The following STMN3 variants were observed in gnomAD, a reference collection of about 807,000 sequenced individuals.
STMN3 encodes the protein stathmin 3, also known as stathmin-3.
STMN3 carries 24 observed loss-of-function variants against 23.2 expected under a neutral mutation model. That is an observed-to-expected ratio of 1.03 (90% CI 0.75 to 1.45). The LOEUF is 1.45. STMN3 is among the 40% of genes most tolerant of loss of function. STMN3 has a pLI of 0.00. For missense variants in STMN3, 235 were observed against 237.6 expected, an observed-to-expected ratio of 0.99 and a Z score of 0.07; for synonymous variants, 117 against 103.4, an observed-to-expected ratio of 1.13 and a Z score of -0.80.
chr20:63,653,195 G>T, intron 1 of STMN3, 132 bp downstream of exon 1: 4 of 1,220,248 alleles, frequency 3.3e-6, no homozygotes, highest in Non-Finnish European at 4.5e-6. Context: ...GGCGGGTCGG[G>T]CCCAGGCTTG....
rs1491522338 is a variant in STMN3 at position 63,647,961 on chromosome 20, T to TGTATAC, written c.20-3653_20-3652insGTATAC. 8.4e-3 allele frequency among the ~76,000 whole-genome samples: 508 copies of TGTATAC among 60,336 alleles called. 29 individuals are homozygous for TGTATAC. The highest frequency in any genetic ancestry group is 0.017 in the Middle Eastern group (2 of 118). 39.6% of individuals were successfully genotyped at this position (60,336 alleles called of 152,430 possible). ...ATGTGTGTGTGTGTATATATATATG[T>TGTATAC]ATATATATATATATATATACATATA... On this transcript the variant is annotated intron_variant, in intron 1 of 4. Coordinates refer to ENST00000370053, the MANE Select transcript of STMN3 (RefSeq NM_015894.4).
Position 63,653,346 on chromosome 20 carries a change from G to A in STMN3, c.-1C>T, listed in dbSNP as rs1479832006. The A allele has an allele frequency of 1.3e-6, 2 of 1,548,038 alleles. No individual in the cohort carries two copies. The highest frequency in any genetic ancestry group is 3.9e-5 in the Admixed American group (2 of 50,904). ...GCCTACCGGAAATGGTGCTGGCCAT[G>A]GTGCTGGCGGCGGTTGGGCCTGCGG... On this transcript the variant is annotated 5_prime_UTR_variant, in exon 1 of 5. Transcript: ENST00000370053.
In STMN3 at chr20:63,644,217, C is replaced by A; in HGVS notation, c.112G>T (p.Gly38Trp). The A allele has an allele frequency of 6.2e-7, 1 of 1,612,306 alleles. No homozygotes were observed. Residue 38 changes from glycine to tryptophan, a missense_variant, in exon 2 of 5, where the codon GGG becomes TGG. Transcript: ENST00000370053. Reference sequence around the variant, plus strand: ...CAGGCGGCAGCCAGGCACTCACCCCCGTACTGGTAGACGGTATTGGGGTGC... The same window carrying A: ...CAGGCGGCAGCCAGGCACTCACCCCAGTACTGGTAGACGGTATTGGGGTGC... ...QPHPNTVYQYGDMEVKQLDKR... is the reference protein window; with the variant it reads ...QPHPNTVYQYWDMEVKQLDKR...
chr20:63,644,399 T>C, intron 1 of STMN3, 90 bp from the exon 2 acceptor site: 1 of 982,232 alleles, frequency 1.0e-6, no homozygotes, highest in Non-Finnish European at 1.6e-6. Context: ...CTCTATCATG[T>C]CTCTGTGAGA....
Position 63,642,303 on chromosome 20 carries a change from T to C in STMN3, c.292-4A>G. On this transcript the variant is annotated splice_polypyrimidine_tract_variant and splice_region_variant and intron_variant, in intron 3 of 4. Transcript: ENST00000370053. The stretch of plus-strand genomic sequence containing the variant: ...TCAGCACCTGCGCCTCCTGCGTCTG[T>C]GCGGGGCCGGCGGGCGCGCGTGAGC... 1 of 1,495,890 alleles carries C rather than the reference T, an allele frequency of 6.7e-7. No individual in the cohort carries two copies. The highest frequency in any genetic ancestry group is 8.9e-7 in the Non-Finnish European group (1 of 1,121,718). 92.7% of individuals were successfully genotyped at this position (1,495,890 alleles called of 1,614,324 possible).
rs1351785936 is a variant in STMN3 at position 63,640,404 on chromosome 20, A to G, written c.*934T>C. 6.6e-6 allele frequency: 1 copy of G among 152,088 alleles called. No individual in the cohort carries two copies. The highest frequency in any genetic ancestry group is 1.5e-5 in the Non-Finnish European group (1 of 67,920). The allele number at this position is 152,088 out of a possible 1,614,324, so 9.4% of individuals were successfully genotyped here. On this transcript the variant is annotated 3_prime_UTR_variant, in exon 5 of 5. Coordinates refer to ENST00000370053, the MANE Select transcript of STMN3 (RefSeq NM_015894.4). ...GAACCTTACCCGCTGCCCTTCCAAC[A>G]CCTGGATCTGTGGGCAGCGGTCCCA...
intron 1 of STMN3, 56 bp downstream of exon 1, chr20:63,653,271 A>G (rs1213513090): frequency 6.5e-7 from 1 of 1,531,844 alleles, no homozygotes; most frequent in African/African-American, 1.4e-5. Context: ...GCGAGGCCAG[A>G]CGAGGCCTCT....
intron 1 of STMN3, 116 bp downstream of exon 1, chr20:63,653,211 C>T: frequency 2.2e-6 from 3 of 1,350,302 alleles, no homozygotes; most frequent in Non-Finnish European, 3.0e-6. Context: ...GCTTGCAACG[C>T]GCAGGGTAGG....
In STMN3 at chr20:63,641,062, C is replaced by T; in HGVS notation, c.*276G>A. The T allele has an allele frequency of 3.7e-6, 2 of 540,674 alleles. No individual in the cohort carries two copies. The highest frequency in any genetic ancestry group is 6.7e-6 in the Non-Finnish European group (2 of 298,022). The allele number at this position is 540,674 out of a possible 1,614,324, so 33.5% of individuals were successfully genotyped here. A position where few individuals can be genotyped will look rare whatever the true frequency, so the allele number is the denominator to read the frequency against. On this transcript the variant is annotated 3_prime_UTR_variant, in exon 5 of 5. Coordinates refer to ENST00000370053, the MANE Select transcript of STMN3 (RefSeq NM_015894.4). ...CCTGGGTTTACCACGGTCACCGCCA[C>T]CTCTCTCACAGGGCCCCCGGGGGAC...
intron 1 of STMN3, among the ~76,000 whole-genome samples, chr20:63,647,952 A>G (rs1340934671): frequency 0.044 from 2,080 of 47,192 alleles, 173 homozygotes; most frequent in African/African-American, 0.14. Flanking sequence ...GTGTGTGTAT[A>G]TATATATGTA....
At position 63,643,846 on chromosome 20, in the gene STMN3, C is replaced by T; in HGVS notation, c.201G>A (p.Glu67=). The T allele has an allele frequency of 6.3e-7, 1 of 1,578,588 alleles. No homozygotes were observed. The highest frequency in any genetic ancestry group is 8.5e-7 in the Non-Finnish European group (1 of 1,170,694). ...ILKSPSDLSP[E]SPMLSSPPKK... is the part of the protein sequence containing the mutation. ...TGGGTGGGGAGGAGAGCATAGGGCT[C>T]TCTGGGGACAGGTCAGAAGGGGACT... Residue 67 remains glutamate (E), a synonymous_variant, in exon 3 of 5, where the codon GAG becomes GAA. Transcript: ENST00000370053.
chr20:63,644,247 G>A lies in STMN3; in HGVS notation c.82C>T (p.Gln28Ter). Residue 28 changes from glutamine to a stop codon, truncating the protein, a stop_gained, in exon 2 of 5, where the codon CAG becomes TAG. Transcript: ENST00000370053. LOFTEE classifies it high-confidence loss of function. Reference protein sequence around the residue: ...LSLICSCFYTQPHPNTVYQYG... With the variant: ...LSLICSCFYT ...TGGTAGACGGTATTGGGGTGCGGCT[G>A]TGTGTAGAAGCAGGAGCAGATGAGC... 2 of 1,613,668 alleles carry A rather than the reference G, an allele frequency of 1.2e-6. No homozygotes were observed. Among genetic ancestry groups the A allele is most frequent in the Non-Finnish European group, 1.7e-6 (2 of 1,179,796 alleles).
chr20:63,650,069 C>G (rs1194966613), intron 1 of STMN3, among the ~76,000 whole-genome samples: 7 of 151,048 alleles, frequency 4.6e-5, no homozygotes, highest in African/African-American at 1.7e-4. Context: ...CTCCGGTGAT[C>G]TGCCCACCTC....
At chr20:63,641,805 C>T (rs1357787522) in intron 4 of STMN3, among the ~76,000 whole-genome samples, 1 of 149,850 alleles carries the variant, frequency 6.7e-6, no homozygotes, top group South Asian at 2.1e-4. Flanking sequence ...GCCTCGGAGT[C>T]CCCGGCCCCG....
In STMN3 at chr20:63,652,771, G is replaced by A. The variant is rs2089870791; in HGVS notation, c.19+556C>T. The stretch of plus-strand genomic sequence containing the variant: ...TCCCCGAGGCCGCAGCGGTGTGGGG[G>A]GAGGGCGCGGTCCCCCTCACTCCGG... On this transcript the variant is annotated intron_variant, in intron 1 of 4. Coordinates refer to ENST00000370053, the MANE Select transcript of STMN3 (RefSeq NM_015894.4). This position sits in a 1 kb window ranked among gnomAD's most constrained non-coding sequence, Gnocchi z 5.3. 1 of 986,036 alleles carries A rather than the reference G, an allele frequency of 1.0e-6. No homozygotes were observed. Among genetic ancestry groups the A allele is most frequent in the Non-Finnish European group, 1.2e-6 (1 of 830,510 alleles). 61.1% of individuals were successfully genotyped at this position (986,036 alleles called of 1,614,324 possible). A position where few individuals can be genotyped will look rare whatever the true frequency, so the allele number is the denominator to read the frequency against.
rs548032679 is a variant in STMN3, at chr20:63,641,060, C to G, written c.*278G>C. 1.0e-3 allele frequency: 547 copies of G among 537,940 alleles called. 4 individuals carry two copies. The highest frequency in any genetic ancestry group is 9.7e-3 in the African/African-American group (505 of 51,954). The allele number at this position is 537,940 out of a possible 1,614,324, so 33.3% of individuals were successfully genotyped here. A position where few individuals can be genotyped will look rare whatever the true frequency, so the allele number is the denominator to read the frequency against. The stretch of plus-strand genomic sequence containing the variant: ...GCCCTGGGTTTACCACGGTCACCGC[C>G]ACCTCTCTCACAGGGCCCCCGGGGG... On this transcript the variant is annotated 3_prime_UTR_variant, in exon 5 of 5. Transcript: ENST00000370053.
chr20:63,640,172 G>C lies in STMN3; in HGVS notation c.*1166C>G, dbSNP rs1158799463. The C allele has an allele frequency of 6.5e-6, 1 of 152,748 alleles. No individual in the cohort carries two copies. The highest frequency in any genetic ancestry group is 1.5e-5 in the Non-Finnish European group (1 of 68,118). 9.5% of individuals were successfully genotyped at this position (152,748 alleles called of 1,614,324 possible). A position where few individuals can be genotyped will look rare whatever the true frequency, so the allele number is the denominator to read the frequency against. The stretch of plus-strand genomic sequence containing the variant: ...GCAGCAGCTTTGGGATGGGGCTTCC[G>C]TGGAGAAGTGGGGGATGCTGCAGTG... On this transcript the variant is annotated 3_prime_UTR_variant, in exon 5 of 5. Coordinates refer to ENST00000370053, the MANE Select transcript of STMN3 (RefSeq NM_015894.4).
At chr20:63,648,214 T>C (rs186265272) in intron 1 of STMN3, among the ~76,000 whole-genome samples, 13 of 151,558 alleles carry the variant, frequency 8.6e-5, no homozygotes, top group South Asian at 2.1e-4. Flanking sequence ...TCAGGAGACA[T>C]TGGGGACATT....
Position 63,640,812 on chromosome 20 carries a change from C to T in STMN3, c.*526G>A, listed in dbSNP as rs560157163. 5.0e-3 allele frequency: 1,059 copies of T among 212,224 alleles called. 7 individuals are homozygous for T. The highest frequency in any genetic ancestry group is 6.6e-3 in the Non-Finnish European group (676 of 102,738). 13.1% of individuals were successfully genotyped at this position (212,224 alleles called of 1,614,324 possible). On this transcript the variant is annotated 3_prime_UTR_variant, in exon 5 of 5. Transcript: ENST00000370053. ...TAAGGAAAGCTGCAGCCCCCACCCA[C>T]CCGCCTGCCAGTTCAACAAGCACCG...
Sources: gnomAD v4.1 joint callset for allele counts (sites outside exome capture counted in the v4.1 genomes callset) on GRCh38, gnomAD v4.1.1 for gene constraint, Gnocchi (gnomAD v3.1) non-coding constraint, MANE v1.5 for transcripts, NCBI Gene and HGNC (gene_info 2026-07-23, HGNC 2026-07-21) for gene names.